Variants in RABGAP1 observed in about 807,000 individuals in gnomAD.
The protein encoded by RABGAP1 is RAB GTPase activating protein 1.
In RABGAP1, 23 loss-of-function variants were observed where a neutral mutation model predicts 137.6. The ratio of observed to expected loss-of-function variants is 0.17; its 90% CI spans 0.12 to 0.24. RABGAP1 has a LOEUF of 0.24. Among genes scored for constraint, RABGAP1 ranks in the 10% least tolerant of loss-of-function variants. RABGAP1 has a pLI of 1.00. For missense variants in RABGAP1, 906 were observed against 1,275.8 expected (o/e 0.71, Z 4.42); for synonymous variants, 451 against 450.7 (o/e 1.00, Z -0.01).
chr9:123,030,464 A>G (rs1028810050), intron 13 of RABGAP1, among the ~76,000 whole-genome samples: 3 of 152,014 alleles, frequency 2.0e-5, no homozygotes, highest in Non-Finnish European at 4.4e-5. Context: ...CCTTTTAGTC[A>G]TATATATATA....
intron 10 of RABGAP1, among the ~76,000 whole-genome samples, chr9:123,003,254 T>TTC: frequency 6.6e-6 from 1 of 152,334 alleles, no homozygotes; most frequent in Middle Eastern, 3.4e-3. Context: ...TCAATGAGGA[T>TTC]AAATAGTATT....
At chr9:123,024,092 A>G (rs899429453) in intron 13 of RABGAP1, among the ~76,000 whole-genome samples, 1 of 152,248 alleles carries the variant, frequency 6.6e-6, no homozygotes, top group African/African-American at 2.4e-5. Flanking sequence ...CCTTTCAGTA[A>G]CATAAAATAC....
At chr9:123,037,558 C>A (rs2132007265) in intron 13 of RABGAP1, among the ~76,000 whole-genome samples, 1 of 152,246 alleles carries the variant, frequency 6.6e-6, no homozygotes, top group African/African-American at 2.4e-5. Context: ...TTAAGTGGTA[C>A]AGATCTAAAA....
At chr9:122,960,978 G>GA (rs915013171) in intron 2 of RABGAP1, among the ~76,000 whole-genome samples, 17 of 151,726 alleles carry the variant, frequency 1.1e-4, no homozygotes, top group African/African-American at 3.6e-4. Flanking sequence ...ATTACTCAAA[G>GA]AACATGAAGA....
intron 11 of RABGAP1, among the ~76,000 whole-genome samples, chr9:123,013,644 C>T (rs1316350213): frequency 2.6e-5 from 4 of 152,072 alleles, no homozygotes; most frequent in African/African-American, 9.7e-5. Flanking sequence ...AGCCTTTTCT[C>T]TTCTTTACCT....
intron 2 of RABGAP1, among the ~76,000 whole-genome samples, chr9:122,957,556 T>A (rs1268883988): frequency 6.6e-6 from 1 of 152,116 alleles, no homozygotes; most frequent in Non-Finnish European, 1.5e-5. Flanking sequence ...AGGTCAAAGA[T>A]GCTATTTATG....
intron 13 of RABGAP1, among the ~76,000 whole-genome samples, chr9:123,056,703 A>C (rs1248438684): frequency 1.3e-5 from 2 of 152,008 alleles, no homozygotes; most frequent in African/African-American, 4.8e-5. Flanking sequence ...TGCTGCCTTC[A>C]AGCATCTGTT....
At chr9:123,001,989 A>G (rs575941873) in intron 10 of RABGAP1, among the ~76,000 whole-genome samples, 1 of 152,124 alleles carries the variant, frequency 6.6e-6, no homozygotes, top group Non-Finnish European at 1.5e-5. Flanking sequence ...TACAAACATC[A>G]CTTTGAAAGT....
intron 3 of RABGAP1, 122 bp from the exon 4 acceptor site, chr9:122,986,093 A>G: frequency 2.4e-6 from 2 of 845,054 alleles, no homozygotes; most frequent in Non-Finnish European, 3.7e-6. Flanking sequence ...AGGGTATGGC[A>G]TATTGTCTCA....
chr9:123,052,718 C>G (rs1406929585), intron 13 of RABGAP1, among the ~76,000 whole-genome samples: 4 of 152,112 alleles, frequency 2.6e-5, no homozygotes, highest in African/African-American at 9.7e-5. Context: ...TCACTTGAGG[C>G]TAGGAGTTCG....
In RABGAP1 at chr9:123,059,796, T is replaced by A. The variant is rs115560705; in HGVS notation, c.1795-5552T>A. Among the ~76,000 whole-genome samples, 1,478 of 152,310 alleles carry A rather than the reference T, an allele frequency of 9.7e-3. 28 individuals carry two copies. The highest frequency in any genetic ancestry group is 0.034 in the African/African-American group (1,407 of 41,564). Reference sequence around the variant, plus strand: ...CCAAACACTGAATTTTCCAGCATCTTGATCTTGGAATTTCCAGCCTCCCAG... The same window carrying A: ...CCAAACACTGAATTTTCCAGCATCTAGATCTTGGAATTTCCAGCCTCCCAG... On this transcript the variant is annotated intron_variant, in intron 13 of 25. Coordinates refer to ENST00000373647, the MANE Select transcript of RABGAP1 (RefSeq NM_012197.4).
At chr9:123,003,904 G>A (rs912194781) in intron 10 of RABGAP1, among the ~76,000 whole-genome samples, 3 of 152,318 alleles carry the variant, frequency 2.0e-5, no homozygotes, top group African/African-American at 7.2e-5. Context: ...TTAAACTATA[G>A]GGGTCTTAAA....
At chr9:123,065,682 C>T in intron 14 of RABGAP1, 1 of 467,328 alleles carries the variant, frequency 2.1e-6, no homozygotes, top group Non-Finnish European at 3.9e-6. Context: ...CCCTTCTAAT[C>T]AGGATTTTTA....
Position 123,032,559 on chromosome 9 carries a change from C to T in RABGAP1, c.1794+12100C>T, listed in dbSNP as rs192565467. Among the ~76,000 whole-genome samples the T allele has an allele frequency of 1.8e-3, 267 of 152,264 alleles. 1 individual carries two copies. The highest frequency in any genetic ancestry group is 3.5e-3 in the Admixed American group (53 of 15,292). ...ATTCTGATTATGGGTGGCCATTTGT[C>T]TGTAATTAGAAAGCATGTGTATAAA... On this transcript the variant is annotated intron_variant, in intron 13 of 25. Coordinates refer to ENST00000373647, the MANE Select transcript of RABGAP1 (RefSeq NM_012197.4).
chr9:122,980,273 C>T (rs966859066), intron 2 of RABGAP1, among the ~76,000 whole-genome samples: 3 of 152,080 alleles, frequency 2.0e-5, no homozygotes, highest in Non-Finnish European at 4.4e-5. Context: ...TTCTTTTATC[C>T]ACTCATTCAT....
intron 2 of RABGAP1, chr9:122,971,774 G>A (rs902859154): frequency 2.6e-5 from 4 of 152,114 alleles, no homozygotes; most frequent in Non-Finnish European, 4.4e-5. Context: ...CCAGAAGATA[G>A]CATTGAAAGA....
At chr9:123,018,955 T>G (rs1564136659) in intron 12 of RABGAP1, among the ~76,000 whole-genome samples, 2 of 152,164 alleles carry the variant, frequency 1.3e-5, no homozygotes, top group Non-Finnish European at 1.5e-5. Context: ...CATTCATTAG[T>G]CTTAAGAATT....
chr9:123,012,951 T>C (rs1040109577), intron 11 of RABGAP1, among the ~76,000 whole-genome samples: 1 of 152,196 alleles, frequency 6.6e-6, no homozygotes. Context: ...CTCGAGAGGC[T>C]TCTTACCCAT....
chr9:123,025,297 G>A (rs1002033717), intron 13 of RABGAP1, among the ~76,000 whole-genome samples: 4 of 152,070 alleles, frequency 2.6e-5, no homozygotes, highest in Non-Finnish European at 4.4e-5. Context: ...AAAAGGCTTT[G>A]TATTATTTCT....
Sources: allele counts gnomAD v4.1 joint callset (sites outside exome capture counted in the v4.1 genomes callset), GRCh38; gene constraint gnomAD v4.1.1; transcripts MANE v1.5; gene names NCBI Gene and HGNC (gene_info 2026-07-23, HGNC 2026-07-21).